Variants in PPA2 observed in about 807,000 individuals in gnomAD.
PPA2 encodes inorganic pyrophosphatase 2, mitochondrial.
In PPA2, 48 loss-of-function variants were observed where a neutral mutation model predicts 49.5. The observed-to-expected ratio is 0.97, with a 90% confidence interval of 0.77 to 1.23. The LOEUF (loss-of-function observed/expected upper bound fraction) is 1.23, where lower values mean the gene tolerates loss of function less well. Among genes scored for constraint, PPA2 ranks in the 50% most tolerant of loss-of-function variants. The pLI, the probability that PPA2 is intolerant of heterozygous loss-of-function variation, is 0.00. For missense variants in PPA2, 429 were observed against 410.1 expected (o/e 1.05, Z -0.40); for synonymous variants, 131 against 139.9 (o/e 0.94, Z 0.45).
At chr4:105,424,128 C>A (rs1723379166) in intron 7 of PPA2, 68 bp downstream of exon 7, 2 of 1,526,328 alleles carry the variant, frequency 1.3e-6, no homozygotes, top group African/African-American at 1.4e-5. Flanking sequence ...ATGTGAACTT[C>A]TTTTAAGTTC....
chr4:105,416,159 C>T (rs755340238), intron 7 of PPA2, among the ~76,000 whole-genome samples: 7 of 152,170 alleles, frequency 4.6e-5, no homozygotes, highest in African/African-American at 7.2e-5. Flanking sequence ...CTAAACATTC[C>T]ATCCGCTTTC....
chr4:105,383,401 T>G (rs899877083), intron 10 of PPA2, among the ~76,000 whole-genome samples: 1 of 152,220 alleles, frequency 6.6e-6, no homozygotes, highest in African/African-American at 2.4e-5. Flanking sequence ...TTATTTTTCT[T>G]GGATTTCCTG....
At chr4:105,458,455 C>T (rs72952284) in intron 1 of PPA2, among the ~76,000 whole-genome samples, 6,642 of 152,016 alleles carry the variant, frequency 0.044, 500 homozygotes, top group African/African-American at 0.15. Flanking sequence ...GCAGCTTAAC[C>T]CAATCTAAAA....
At chr4:105,419,223 T>C (rs1251308824) in intron 7 of PPA2, among the ~76,000 whole-genome samples, 2 of 152,202 alleles carry the variant, frequency 1.3e-5, no homozygotes, top group Admixed American at 6.5e-5. Context: ...TGGTTACATA[T>C]GTATACATGT....
At chr4:105,445,006 A>G (rs1349823750) in intron 5 of PPA2, among the ~76,000 whole-genome samples, 1 of 152,196 alleles carries the variant, frequency 6.6e-6, no homozygotes, top group Non-Finnish European at 1.5e-5. Context: ...TCACATTACT[A>G]GAAAGTGACA....
chr4:105,386,693 A>G (rs1733700653), intron 9 of PPA2, 57 bp from the exon 10 acceptor site: 2 of 1,385,052 alleles, frequency 1.4e-6, no homozygotes, highest in Admixed American at 1.8e-5. Flanking sequence ...CAATTACCAA[A>G]AAAACCCCAA....
intron 1 of PPA2, among the ~76,000 whole-genome samples, chr4:105,464,169 C>A (rs530670633): frequency 6.6e-6 from 1 of 152,278 alleles, no homozygotes; most frequent in African/African-American, 2.4e-5. Flanking sequence ...CCCAAGACCA[C>A]AGGAACCCAC....
intron 6 of PPA2, among the ~76,000 whole-genome samples, chr4:105,429,462 A>G (rs1723694606): frequency 6.6e-6 from 1 of 152,242 alleles, no homozygotes; most frequent in Non-Finnish European, 1.5e-5. Flanking sequence ...CCAAAATTAA[A>G]AAGTTAAGAA....
chr4:105,392,276 A>AC (rs1356834135), intron 9 of PPA2, among the ~76,000 whole-genome samples: 2 of 151,660 alleles, frequency 1.3e-5, no homozygotes, highest in African/African-American at 4.8e-5. Flanking sequence ...ACAACAACAA[A>AC]AAAAAAAACT....
intron 6 of PPA2, among the ~76,000 whole-genome samples, chr4:105,426,985 C>T (rs985389602): frequency 6.6e-6 from 1 of 152,146 alleles, no homozygotes; most frequent in South Asian, 2.1e-4. Flanking sequence ...GATAGGTGCC[C>T]CCTCTGGGAC....
At chr4:105,387,689 GT>G (rs539098729) in intron 9 of PPA2, among the ~76,000 whole-genome samples, 3 of 151,838 alleles carry the variant, frequency 2.0e-5, no homozygotes, top group Non-Finnish European at 4.4e-5. Flanking sequence ...TTAAGACTAA[GT>G]TTTTTTTGCC....
At chr4:105,465,008 T>A (rs1329571770) in intron 1 of PPA2, among the ~76,000 whole-genome samples, 3 of 152,252 alleles carry the variant, frequency 2.0e-5, no homozygotes, top group Non-Finnish European at 4.4e-5. Flanking sequence ...GTAATCATAC[T>A]GAATTTTCTA....
At chr4:105,405,566 T>C (rs1722428668) in intron 7 of PPA2, 3 of 955,800 alleles carry the variant, frequency 3.1e-6, no homozygotes, top group South Asian at 4.6e-5. Context: ...TGAAATGAGG[T>C]TTTCACTGAG....
chr4:105,432,206 G>A (rs957006047), intron 6 of PPA2, among the ~76,000 whole-genome samples: 6 of 152,124 alleles, frequency 3.9e-5, no homozygotes, highest in Non-Finnish European at 5.9e-5. Context: ...CCTCTCTCCT[G>A]AAACTATGTT....
At chr4:105,424,445 A>C (rs555553014) in intron 6 of PPA2, 123 bp from the exon 7 acceptor site, 2 of 891,786 alleles carry the variant, frequency 2.2e-6, no homozygotes, top group Non-Finnish European at 3.1e-6. Context: ...CAATAATTAA[A>C]AATAATATGA....
chr4:105,459,426 G>A (rs1722998126), intron 1 of PPA2, among the ~76,000 whole-genome samples: 1 of 152,076 alleles, frequency 6.6e-6, no homozygotes, highest in Non-Finnish European at 1.5e-5. Flanking sequence ...TACTAAAGTG[G>A]GCCACATTTA....
intron 8 of PPA2, 113 bp downstream of exon 8, chr4:105,398,924 G>A: frequency 9.4e-7 from 1 of 1,059,194 alleles, no homozygotes; most frequent in Non-Finnish European, 1.3e-6. Context: ...TTAGTAAAAA[G>A]CACTTTTTTA....
At position 105,369,590 on chromosome 4, in the gene PPA2, A is replaced by G. The variant is rs185930078; in HGVS notation, c.*135T>C. 9.4e-4 allele frequency: 691 copies of G among 732,600 alleles called. 6 individuals carry two copies. The highest frequency in any genetic ancestry group is 5.0e-3 in the Middle Eastern group (21 of 4,212). The allele number at this position is 732,600 out of a possible 1,614,324, so 45.4% of individuals were successfully genotyped here. A position where few individuals can be genotyped will look rare whatever the true frequency, so the allele number is the denominator to read the frequency against. ...TTTAAAATTCTTACTGTTTATTTAT[A>G]TATTGCATAGCTCAAAAAGTTTGAA... On this transcript the variant is annotated 3_prime_UTR_variant, in exon 12 of 12. Transcript: ENST00000341695.
chr4:105,424,812 C>T (rs941360433), intron 6 of PPA2, among the ~76,000 whole-genome samples: 1 of 152,098 alleles, frequency 6.6e-6, no homozygotes, highest in African/African-American at 2.4e-5. Context: ...GGGCATGGTA[C>T]TAGAAATAAG....
Sources: allele counts gnomAD v4.1 joint callset (sites outside exome capture counted in the v4.1 genomes callset), GRCh38; gene constraint gnomAD v4.1.1; transcripts MANE v1.5; gene names NCBI Gene and HGNC (gene_info 2026-07-23, HGNC 2026-07-21).